The following CDH13 variants were observed in gnomAD, a reference collection of about 807,000 sequenced individuals.
CDH13 encodes cadherin-13.
CDH13 carries 24 observed loss-of-function variants against 63.8 expected under a neutral mutation model. The ratio of observed to expected loss-of-function variants is 0.38; its 90% CI spans 0.27 to 0.53. The LOEUF (loss-of-function observed/expected upper bound fraction) is 0.53, where lower values mean the gene tolerates loss of function less well. CDH13 is among the 20% of genes least tolerant of loss of function. CDH13 has a pLI of 0.85. For synonymous variants in CDH13, 503 were observed against 355.3 expected, an observed-to-expected ratio of 1.42 and a Z score of -4.67; for missense variants, 1,049 against 903.1, an observed-to-expected ratio of 1.16 and a Z score of -2.07.
In CDH13 at chr16:83,705,927, A is replaced by G. The variant is rs1403692126; in HGVS notation, c.1538+27466A>G. Among the ~76,000 whole-genome samples, 5 of 152,186 alleles carry G rather than the reference A, an allele frequency of 3.3e-5. No individual in the cohort carries two copies. The South Asian group carries it at 8.3e-4, about 25-fold the overall frequency. ...GTGGGAGAGTAGATAAGTCTGCCCT[A>G]GGGCTGGTTGCCTCTTTCAGCCCCC... On this transcript the variant is annotated intron_variant, in intron 10 of 13. Transcript: ENST00000567109.
chr16:83,537,371 C>G (rs1165233980), intron 7 of CDH13, among the ~76,000 whole-genome samples: 1 of 152,030 alleles, frequency 6.6e-6, no homozygotes, highest in African/African-American at 2.4e-5. Flanking sequence ...TAGGCTGCAA[C>G]CTAAAGGTGA....
At chr16:83,729,112 G>C (rs1045965702) in intron 10 of CDH13, 2 of 152,086 alleles carry the variant, frequency 1.3e-5, no homozygotes, top group Admixed American at 1.3e-4. Flanking sequence ...CCTAAGGAGA[G>C]GCCCACCTCC....
intron 1 of CDH13, among the ~76,000 whole-genome samples, chr16:82,811,181 CG>C (rs2037425595): frequency 6.6e-6 from 1 of 152,148 alleles, no homozygotes; most frequent in Non-Finnish European, 1.5e-5. Context: ...AAGCTGATTA[CG>C]CGAATTTCTT....
chr16:83,123,820 C>G (rs1269227057), intron 3 of CDH13, among the ~76,000 whole-genome samples: 4 of 152,156 alleles, frequency 2.6e-5, no homozygotes, highest in African/African-American at 9.7e-5. Flanking sequence ...TACACTCCCA[C>G]CAACAGTATA....
At chr16:83,675,621 A>T (rs1454111505) in intron 9 of CDH13, among the ~76,000 whole-genome samples, 1 of 152,138 alleles carries the variant, frequency 6.6e-6, no homozygotes, top group African/African-American at 2.4e-5. Context: ...TTCAACATTC[A>T]TCCTGTCCGC....
intron 4 of CDH13, among the ~76,000 whole-genome samples, chr16:83,168,902 A>C (rs2037803987): frequency 6.6e-6 from 1 of 152,106 alleles, no homozygotes; most frequent in Admixed American, 6.6e-5. Context: ...ATTTATTGAA[A>C]CTTTTCCCTA....
chr16:82,790,525 C>A (rs963459276), intron 1 of CDH13, among the ~76,000 whole-genome samples: 16 of 152,036 alleles, frequency 1.1e-4, no homozygotes, highest in Non-Finnish European at 2.1e-4. Flanking sequence ...AATAGACATA[C>A]AAAAAAATTA....
intron 2 of CDH13, among the ~76,000 whole-genome samples, chr16:82,864,530 C>T (rs2040053970): frequency 1.3e-5 from 2 of 151,832 alleles, no homozygotes; most frequent in African/African-American, 4.8e-5. Flanking sequence ...GGGAGGAGCC[C>T]CTTATAAAAC....
chr16:83,712,776 C>T lies in CDH13; in HGVS notation c.1538+34315C>T, dbSNP rs16961411. 6.3e-3 allele frequency among the ~76,000 whole-genome samples: 958 copies of T among 152,302 alleles called. 12 individuals are homozygous for T. Among genetic ancestry groups the T allele is most frequent in the African/African-American group, 0.022 (914 of 41,564 alleles). ...AAGTGACTAGACTCTCTGTTTAGCT[C>T]GCCACACAACATCATATCTGCCATG... On this transcript the variant is annotated intron_variant, in intron 10 of 13. Coordinates refer to ENST00000567109, the MANE Select transcript of CDH13 (RefSeq NM_001257.5).
chr16:82,896,108 C>CTCAT (rs1285066190), intron 2 of CDH13, among the ~76,000 whole-genome samples: 1 of 152,006 alleles, frequency 6.6e-6, no homozygotes, highest in Non-Finnish European at 1.5e-5. Flanking sequence ...CTGACATTCT[C>CTCAT]TCATTCATTC....
At chr16:83,067,079 A>G (rs2032075483) in intron 3 of CDH13, among the ~76,000 whole-genome samples, 1 of 152,170 alleles carries the variant, frequency 6.6e-6, no homozygotes, top group African/African-American at 2.4e-5. Flanking sequence ...TTCATTCTTC[A>G]GATGTGCTAA....
chr16:82,759,884 C>G (rs1414962888), intron 1 of CDH13, among the ~76,000 whole-genome samples: 1 of 152,120 alleles, frequency 6.6e-6, no homozygotes, highest in Non-Finnish European at 1.5e-5. Context: ...TTCCTTATAA[C>G]CCGTCTACCA....
At chr16:82,952,426 T>A (rs926321111) in intron 2 of CDH13, among the ~76,000 whole-genome samples, 21 of 152,204 alleles carry the variant, frequency 1.4e-4, no homozygotes, top group African/African-American at 5.1e-4. Flanking sequence ...TCAATGAGTG[T>A]TGGCTAGCAT....
rs868054299 is a variant in CDH13, at chr16:83,507,989, G to A, written c.960+21334G>A. 4.7e-5 allele frequency among the ~76,000 whole-genome samples: 7 copies of A among 150,002 alleles called. 1 individual carries two copies. The South Asian group carries it at 8.6e-4, about 18-fold the overall frequency. On this transcript the variant is annotated intron_variant, in intron 7 of 13. Transcript: ENST00000567109. ...AGAGGGTGCAGTGAGCCGAGATCGC[G>A]CCACTGCACTCCAGCTTGGGCAACA...
At chr16:83,231,266 G>A (rs927623602) in intron 5 of CDH13, among the ~76,000 whole-genome samples, 1 of 152,190 alleles carries the variant, frequency 6.6e-6, no homozygotes, top group South Asian at 2.1e-4. Context: ...GTACCCTGGG[G>A]TGATGGAGAG....
chr16:82,804,471 T>C (rs2037045986), intron 1 of CDH13, among the ~76,000 whole-genome samples: 1 of 152,218 alleles, frequency 6.6e-6, no homozygotes, highest in Non-Finnish European at 1.5e-5. Context: ...ACGTTAAAGA[T>C]ACTTTAATAA....
chr16:83,692,536 C>T (rs890541898), intron 10 of CDH13, among the ~76,000 whole-genome samples: 2 of 152,234 alleles, frequency 1.3e-5, no homozygotes, highest in Admixed American at 6.5e-5. Context: ...TTCATGCCCA[C>T]TTCCCTGTGC....
intron 12 of CDH13, among the ~76,000 whole-genome samples, chr16:83,781,943 AG>A (rs1915554163): frequency 6.6e-6 from 1 of 151,872 alleles, no homozygotes; most frequent in South Asian, 2.1e-4. Flanking sequence ...AAAAAAAAGA[AG>A]AAAAAAAAAA....
intron 10 of CDH13, among the ~76,000 whole-genome samples, chr16:83,697,013 C>A (rs562239977): frequency 6.6e-6 from 1 of 152,312 alleles, no homozygotes; most frequent in Non-Finnish European, 1.5e-5. Context: ...AACCACACGG[C>A]CTTTCTTCCT....
Sources: gnomAD v4.1 joint callset for allele counts (sites outside exome capture counted in the v4.1 genomes callset) on GRCh38, gnomAD v4.1.1 for gene constraint, MANE v1.5 for transcripts, NCBI Gene and HGNC (gene_info 2026-07-23, HGNC 2026-07-21) for gene names.